Variants in FEZF1 observed in about 807,000 individuals in gnomAD.
The protein encoded by FEZF1 is fez family zinc finger protein 1.
In FEZF1, 8 loss-of-function variants were observed where a neutral mutation model predicts 32.4. The observed-to-expected ratio is 0.25, with a 90% CI of 0.15 to 0.45. The LOEUF (loss-of-function observed/expected upper bound fraction) is 0.45, where lower values mean the gene tolerates loss of function less well. FEZF1 is among the 20% of genes least tolerant of loss of function. The probability of loss-of-function intolerance (pLI) is 1.00; values close to 1 mark genes in which losing one functional copy is unlikely to be tolerated. For synonymous variants in FEZF1, 259 were observed against 265.2 expected, an observed-to-expected ratio of 0.98 and a Z score of 0.23; for missense variants, 546 against 622.3, an observed-to-expected ratio of 0.88 and a Z score of 1.31.
In FEZF1 at chr7:122,304,641, A is replaced by C; in HGVS notation, c.-204T>G. 2 of 458,322 alleles carry C rather than the reference A, an allele frequency of 4.4e-6. No homozygotes were observed. Among genetic ancestry groups the C allele is most frequent in the Middle Eastern group, 5.2e-4 (1 of 1,926 alleles). The allele number at this position is 458,322 out of a possible 1,614,324, so 28.4% of individuals were successfully genotyped here. ...CAGCCCATCGCAGAGTTCTTGGCGC[A>C]CCAATGACTCGGGGACAATCACTAC... On this transcript the variant is annotated 5_prime_UTR_variant, in exon 1 of 4. Transcript: ENST00000442488.
At position 122,304,115 on chromosome 7, in the gene FEZF1, G is replaced by A. The variant is rs1324276887; in HGVS notation, c.323C>T (p.Ala108Val). 2 of 1,591,278 alleles carry A rather than the reference G, an allele frequency of 1.3e-6. No homozygotes were observed. Among genetic ancestry groups the A allele is most frequent in the Non-Finnish European group, 1.7e-6 (2 of 1,168,178 alleles). Residue 108 changes from alanine (A) to valine (V), a missense_variant, in exon 1 of 4, where the codon GCG (alanine) becomes GTG (valine). This residue lies in a region of FEZF1 where 345 missense variants were observed against 360.6 expected (regional missense o/e 0.96). Transcript: ENST00000442488. Reference protein sequence around the residue: ...ASLEAPAAPAAVPSAPAFSCS... With the variant: ...ASLEAPAAPAVVPSAPAFSCS... ...GCTGAATGCGGGAGCCGAGGGCACC[G>A]CCGCGGGCGCCGCCGGGGCCTCCAG...
upstream of FEZF1, chr7:122,307,095 C>T (rs2031304601): frequency 6.6e-6 from 1 of 152,188 alleles, no homozygotes; most frequent in Non-Finnish European, 1.5e-5. Context: ...TTGGTCAGCG[C>T]TGGAAATTTT....
rs759195363 is a variant in FEZF1 at position 122,304,334 on chromosome 7, C to T, written c.104G>A (p.Arg35Gln). ...GGGCTCTGGGGTGCGCGCCATGATT[C>T]GTTCAATGGAGAAAGCCAAGGGTTT... ...TSKPLAFSIE[R>Q]IMARTPEPKA... The change falls in exon 1 of 4, where the codon CGA (arginine) becomes CAA (glutamine). Residue 35 changes from arginine (R) to glutamine (Q), a missense_variant. Transcript: ENST00000442488. 4.3e-6 allele frequency: 7 copies of T among 1,612,790 alleles called. No homozygotes were observed. The highest frequency in any genetic ancestry group is 4.2e-6 in the Non-Finnish European group (5 of 1,179,300).
At chr7:122,305,274 A>G (rs1166001470), upstream of FEZF1, 1 of 151,928 alleles carries the variant, frequency 6.6e-6, no homozygotes, top group Non-Finnish European at 1.5e-5. Flanking sequence ...CCGCAGACCT[A>G]TTTCTTCCTC....
Position 122,302,173 on chromosome 7 carries a change from G to T in FEZF1, c.1252C>A (p.His418Asn). Residue 418 changes from histidine to asparagine, a missense_variant, in exon 4 of 4, where the codon CAT (histidine) becomes AAT (asparagine). Coordinates refer to ENST00000442488, the MANE Select transcript of FEZF1 (RefSeq NM_001024613.4). This position sits in a 1 kb window ranked among gnomAD's most constrained non-coding sequence, Gnocchi z 4.4. ...GFCRNFDLKK[H>N]VRKLHDSSLG... Reference sequence around the variant, plus strand: ...CTGCTGTCGTGCAGCTTGCGGACATGCTTCTTGAGGTCAAAGTTCCTGCAG... The same window carrying T: ...CTGCTGTCGTGCAGCTTGCGGACATTCTTCTTGAGGTCAAAGTTCCTGCAG... 6.2e-7 allele frequency: 1 copy of T among 1,614,240 alleles called. No individual in the cohort carries two copies. Among genetic ancestry groups the T allele is most frequent in the South Asian group, 1.1e-5 (1 of 91,084 alleles).
chr7:122,301,826 C>T lies in FEZF1; in HGVS notation c.*171G>A. 1 of 776,998 alleles carries T rather than the reference C, an allele frequency of 1.3e-6. No homozygotes were observed. The highest frequency in any genetic ancestry group is 2.0e-6 in the Non-Finnish European group (1 of 498,274). 48.1% of individuals were successfully genotyped at this position (776,998 alleles called of 1,614,324 possible). On this transcript the variant is annotated 3_prime_UTR_variant, in exon 4 of 4. Coordinates refer to ENST00000442488, the MANE Select transcript of FEZF1 (RefSeq NM_001024613.4). Reference sequence around the variant, plus strand: ...GAATATAATACACAAAACCATTTAGCAGGTGCATGCAAGAGGCGAAAGGCC... The same window carrying T: ...GAATATAATACACAAAACCATTTAGTAGGTGCATGCAAGAGGCGAAAGGCC...
chr7:122,303,474 GA>G lies in FEZF1; in HGVS notation c.801+162del, dbSNP rs1299797641. Among the ~76,000 whole-genome samples the G allele has an allele frequency of 6.9e-3, 125 of 18,220 alleles. 1 individual carries two copies. The highest frequency in any genetic ancestry group is 0.03 in the African/African-American group (114 of 3,782). 12.0% of individuals were successfully genotyped at this position (18,220 alleles called of 152,430 possible). ...GGAAGGAAAGGAGGAGCGAGGGAGG[GA>G]AGGAAGGAAGGAAGGAAGGAAGGAA... On this transcript the variant is annotated intron_variant, in intron 1 of 3. Transcript: ENST00000442488.
At chr7:122,303,515 AAGGAAGGAAGGAAGGAAGGAAGGAGG>A in intron 1 of FEZF1, 96 bp downstream of exon 1, 1 of 546,470 alleles carries the variant, frequency 1.8e-6, no homozygotes, top group South Asian at 2.1e-5. Flanking sequence ...GGAAGGAAGG[AAGGAAGGAAGGAAGGAAGGAAGGAGG>A]GAGGGAAGGA....
At chr7:122,305,619 A>G (rs1229946662), upstream of FEZF1, 2 of 152,228 alleles carry the variant, frequency 1.3e-5, no homozygotes, top group Non-Finnish European at 2.9e-5. Context: ...GTCTGGAAAG[A>G]GCATTTCTTT....
At chr7:122,306,103 G>GCGC (rs1245257990), upstream of FEZF1, 1 of 152,312 alleles carries the variant, frequency 6.6e-6, no homozygotes, top group Non-Finnish European at 1.5e-5. Flanking sequence ...GAACCCCGCA[G>GCGC]CTAGGCGCGC....
chr7:122,309,972 G>A (rs1867335), intron 1 of FEZF1: 91,396 of 152,134 alleles, frequency 0.6, 27,821 homozygotes, highest in Non-Finnish European at 0.64. Flanking sequence ...TTCAAGACAC[G>A]GTTCGACTGT....
At chr7:122,303,008 T>C (rs1477014089) in intron 2 of FEZF1, 77 bp from the exon 3 acceptor site, 150 of 1,541,342 alleles carry the variant, frequency 9.7e-5, no homozygotes, top group Middle Eastern at 1.7e-4. Flanking sequence ...CAAAACACAG[T>C]AATGCTTAAA....
intron 1 of FEZF1, 77 bp downstream of exon 1, chr7:122,303,560 A>AGGAG (rs1346788805): frequency 4.1e-5 from 28 of 681,742 alleles, no homozygotes; most frequent in South Asian, 1.4e-4. Context: ...GAAGGAGGGA[A>AGGAG]GGAGGGAGGG....
At chr7:122,303,410 G>A in intron 1 of FEZF1, 99 bp from the exon 2 acceptor site, 19 of 1,442,724 alleles carry the variant, frequency 1.3e-5, no homozygotes, top group Non-Finnish European at 1.8e-5. Flanking sequence ...TTAACAAAAA[G>A]TGTATGCAAA....
chr7:122,306,971 C>G (rs976792707), upstream of FEZF1: 1 of 152,236 alleles, frequency 6.6e-6, no homozygotes, highest in Admixed American at 6.5e-5. Context: ...GCAAATTTTT[C>G]TTTCCTTTTG....
In FEZF1 at chr7:122,304,494, T is replaced by C; in HGVS notation, c.-57A>G. Reference sequence around the variant, plus strand: ...TGGGTTGCGCCGTCCGTTGCCTTGTTCCCTGCTTGTCACAGACCTGCGGAG... The same window carrying C: ...TGGGTTGCGCCGTCCGTTGCCTTGTCCCCTGCTTGTCACAGACCTGCGGAG... On this transcript the variant is annotated 5_prime_UTR_variant, in exon 1 of 4. Transcript: ENST00000442488. 6.9e-7 allele frequency: 1 copy of C among 1,445,350 alleles called. No homozygotes were observed. Among genetic ancestry groups the C allele is most frequent in the South Asian group, 1.4e-5 (1 of 69,832 alleles). The allele number at this position is 1,445,350 out of a possible 1,614,324, so 89.5% of individuals were successfully genotyped here.
upstream of FEZF1, among the ~76,000 whole-genome samples, chr7:122,309,309 C>T (rs564351770): frequency 2.0e-5 from 3 of 152,276 alleles, no homozygotes; most frequent in East Asian, 5.8e-4. Flanking sequence ...CTCACAGAGC[C>T]CTCCTCTCTT....
chr7:122,302,839 C>G lies in FEZF1; in HGVS notation c.1029G>C (p.Pro343=). ...THTRIHAGYK[P]FVCEFCGKGF... ...CTTTGCCACAGAATTCACACACAAA[C>G]GGTTTGTAGCCCGCGTGTATTCGGG... The change falls in exon 3 of 4, where the codon CCG becomes CCC. Residue 343 remains proline, a synonymous_variant. Transcript: ENST00000442488. The surrounding 1 kb of genome is among the most constrained non-coding windows in gnomAD (Gnocchi z 4.4). 3 of 1,614,072 alleles carry G rather than the reference C, an allele frequency of 1.9e-6. No homozygotes were observed. Among genetic ancestry groups the G allele is most frequent in the Non-Finnish European group, 2.5e-6 (3 of 1,180,008 alleles).
upstream of FEZF1, chr7:122,305,271 C>T (rs986765706): frequency 1.4e-4 from 21 of 152,420 alleles, no homozygotes; most frequent in African/African-American, 3.8e-4. Context: ...CCTCCGCAGA[C>T]CTATTTCTTC....
Sources: gnomAD v4.1 joint callset for allele counts (sites outside exome capture counted in the v4.1 genomes callset) on GRCh38, gnomAD v4.1.1 for gene constraint, gnomAD v4.1.1 regional missense constraint, Gnocchi (gnomAD v3.1) non-coding constraint, MANE v1.5 for transcripts, NCBI Gene and HGNC (gene_info 2026-07-23, HGNC 2026-07-21) for gene names.